ATRX: variants seen among roughly 807,000 people sequenced by gnomAD.
ATRX encodes ATRX chromatin remodeler, also known as chromatin remodeler ATRX.
Under a neutral mutation model 172.6 loss-of-function variants are expected in ATRX, and 12 were observed. That is an observed-to-expected ratio of 0.07 (90% CI 0.04 to 0.11). ATRX has a LOEUF of 0.11. Among genes scored for constraint, ATRX ranks in the 10% least tolerant of loss-of-function variants. The probability of loss-of-function intolerance (pLI) is 1.00; values close to 1 mark genes in which losing one functional copy is unlikely to be tolerated. For synonymous variants in ATRX, 674 were observed against 594.7 expected (o/e 1.13, Z -1.94); for missense variants, 1,368 against 1,767.4 (o/e 0.77, Z 4.05).
At chrX:77,704,028 T>A (rs2072679719) in intron 2 of ATRX, among the ~76,000 whole-genome samples, 1 of 111,263 alleles carries the variant, frequency 9.0e-6, no homozygotes, top group African/African-American at 3.3e-5. Context: ...TATCCCGTCA[T>A]CTGCACAGCT....
At chrX:77,714,985 C>A (rs782397691) in intron 2 of ATRX, among the ~76,000 whole-genome samples, 1 of 111,646 alleles carries the variant, frequency 9.0e-6, no homozygotes, top group African/African-American at 3.3e-5. Flanking sequence ...TTTGGTGTTG[C>A]CATTTCAAAT....
intron 1 of ATRX, among the ~76,000 whole-genome samples, chrX:77,721,941 T>C (rs1302086996): frequency 9.0e-6 from 1 of 111,722 alleles, no homozygotes; most frequent in African/African-American, 3.3e-5. Flanking sequence ...AAGGCTACAG[T>C]AACCAAAACA....
At chrX:77,616,042 G>A in intron 22 of ATRX, 1 of 753,491 alleles carries the variant, frequency 1.3e-6, no homozygotes. Context: ...AAAGCTTATT[G>A]ATGGTAAAAC....
chrX:77,714,319 C>T (rs1387533281), intron 2 of ATRX, among the ~76,000 whole-genome samples: 2 of 111,196 alleles, frequency 1.8e-5, no homozygotes, highest in African/African-American at 3.3e-5. Context: ...TGTGATAGCC[C>T]GAGAAGGGTC....
chrX:77,540,863 A>G (rs1000303909), intron 30 of ATRX, among the ~76,000 whole-genome samples: 1 of 112,125 alleles, frequency 8.9e-6, no homozygotes, highest in African/African-American at 3.2e-5. Flanking sequence ...AAGAGACAGC[A>G]GGAAAGATCT....
intron 22 of ATRX, 194 bp from the exon 23 acceptor site, chrX:77,600,758 T>C (rs1409697306): frequency 6.6e-5 from 25 of 380,567 alleles, no homozygotes; most frequent in Non-Finnish European, 9.8e-5. Context: ...ATAGAAATTA[T>C]CAAAATATTA....
intron 28 of ATRX, among the ~76,000 whole-genome samples, chrX:77,563,702 C>CGTGTGT (rs201190876): frequency 0.014 from 1,329 of 95,496 alleles, 12 homozygotes; most frequent in Middle Eastern, 0.041. Context: ...TGTGTACATG[C>CGTGTGT]GTGTGTGTGT....
chrX:77,715,860 T>C (rs1557164407), intron 2 of ATRX, among the ~76,000 whole-genome samples: 3 of 111,548 alleles, frequency 2.7e-5, no homozygotes. Context: ...GGTTGAACTT[T>C]TCACTATAAC....
chrX:77,588,002 T>G (rs955835180), intron 27 of ATRX, among the ~76,000 whole-genome samples: 1 of 112,095 alleles, frequency 8.9e-6, no homozygotes, highest in Admixed American at 9.5e-5. Context: ...AGATCTGGAA[T>G]AGCCACACTT....
intron 15 of ATRX, among the ~76,000 whole-genome samples, chrX:77,650,169 A>G (rs554421718): frequency 8.9e-6 from 1 of 112,210 alleles, no homozygotes; most frequent in African/African-American, 3.2e-5. Context: ...AACTGAGAAT[A>G]TCCAAAAAGA....
At chrX:77,756,249 G>T (rs1557190137) in intron 1 of ATRX, among the ~76,000 whole-genome samples, 1 of 111,321 alleles carries the variant, frequency 9.0e-6, no homozygotes, top group African/African-American at 3.3e-5. Flanking sequence ...TTGGCAATGA[G>T]AATTTCAAGC....
intron 1 of ATRX, among the ~76,000 whole-genome samples, chrX:77,783,412 A>C (rs782732444): frequency 9.0e-6 from 1 of 111,644 alleles, no homozygotes; most frequent in South Asian, 3.7e-4. Flanking sequence ...CAAAACCTTT[A>C]AAGACTGAGC....
intron 30 of ATRX, among the ~76,000 whole-genome samples, chrX:77,556,981 T>C (rs1050253519): frequency 4.5e-5 from 5 of 111,835 alleles, no homozygotes; most frequent in Non-Finnish European, 7.5e-5. Context: ...AGCTGCTGGA[T>C]TGAGGGAGAT....
At chrX:77,539,320 A>G in intron 30 of ATRX, among the ~76,000 whole-genome samples, 2 of 110,975 alleles carry the variant, frequency 1.8e-5, no homozygotes, top group Admixed American at 1.9e-4. Flanking sequence ...CTCAATATAT[A>G]TATTACTCCC....
intron 15 of ATRX, among the ~76,000 whole-genome samples, chrX:77,649,007 A>C (rs1557115339): frequency 2.7e-5 from 3 of 110,488 alleles, no homozygotes. Context: ...AATCTCTAAA[A>C]TAAAAAATTA....
intron 25 of ATRX, among the ~76,000 whole-genome samples, chrX:77,597,494 A>C (rs529681625): frequency 1.8e-5 from 2 of 111,567 alleles, no homozygotes; most frequent in African/African-American, 3.3e-5. Context: ...CAAAAAAAAA[A>C]CTATCAACAG....
intron 10 of ATRX, among the ~76,000 whole-genome samples, chrX:77,667,295 A>ATGTGTGTGTGTGTGTGTG (rs782297684): frequency 5.6e-5 from 5 of 89,056 alleles, no homozygotes; most frequent in East Asian, 3.7e-4. Flanking sequence ...ACGAATAAAT[A>ATGTGTGTGTGTGTGTGTG]TGTGTGTGTG....
At chrX:77,747,094 C>T (rs947319685) in intron 1 of ATRX, among the ~76,000 whole-genome samples, 9 of 111,232 alleles carry the variant, frequency 8.1e-5, no homozygotes, top group East Asian at 2.9e-4. Flanking sequence ...CCACCGCGCC[C>T]GGCCTGAAAA....
At chrX:77,535,778 C>T (rs1211849555) in intron 30 of ATRX, among the ~76,000 whole-genome samples, 9 of 109,985 alleles carry the variant, frequency 8.2e-5, no homozygotes, top group African/African-American at 9.9e-5. Context: ...AGTGCAGTGG[C>T]GCAATCTCAG....
Sources: allele counts gnomAD v4.1 joint callset (sites outside exome capture counted in the v4.1 genomes callset), GRCh38; gene constraint gnomAD v4.1.1; transcripts MANE v1.5; gene names NCBI Gene and HGNC (gene_info 2026-07-23, HGNC 2026-07-21).